CYB561D1: variants seen among roughly 807,000 people sequenced by gnomAD.
CYB561D1 encodes the protein cytochrome b561 family member D1.
Under a neutral mutation model 19.2 loss-of-function variants are expected in CYB561D1, and 15 were observed. That is an observed-to-expected ratio of 0.78 (90% CI 0.52 to 1.20). The LOEUF (loss-of-function observed/expected upper bound fraction) is 1.20. Ranked by LOEUF, CYB561D1 falls within the 50% of genes most tolerant of loss-of-function variation. The pLI, the probability that CYB561D1 is intolerant of heterozygous loss-of-function variation, is 0.00. For missense variants in CYB561D1, 297 were observed against 287.3 expected (o/e 1.03, Z -0.24); for synonymous variants, 133 against 120.6 (o/e 1.10, Z -0.68).
At chr1:109,494,432 G>C in intron 1 of CYB561D1, 145 bp downstream of exon 1, 1 of 1,546,154 alleles carries the variant, frequency 6.5e-7, no homozygotes, top group South Asian at 1.2e-5. Context: ...GGCCTGGTGG[G>C]GCGGGGCCCC....
Position 109,496,117 on chromosome 1 carries a change from T to C in CYB561D1, c.548T>C (p.Leu183Pro). The C allele has an allele frequency of 6.2e-7, 1 of 1,614,260 alleles. No individual in the cohort carries two copies. Among genetic ancestry groups the C allele is most frequent in the Non-Finnish European group, 8.5e-7 (1 of 1,180,038 alleles). ...VYLMATVTVLLGMYSVWFQAQ... is the reference protein window; with the variant it reads ...VYLMATVTVLPGMYSVWFQAQ... ...CTGATGGCTACAGTAACGGTGCTTC[T>C]GGGCATGTACTCAGTATGGTTCCAG... The change falls in exon 3 of 3, where the codon CTG becomes CCG. Residue 183 changes from leucine to proline, a missense_variant. By Grantham distance (98) the Leu-to-Pro change is moderately conservative. Coordinates refer to ENST00000420578, the MANE Select transcript of CYB561D1 (RefSeq NM_182580.3).
Position 109,497,644 on chromosome 1 carries a change from G to C in CYB561D1, c.*1385G>C, listed in dbSNP as rs1007212376. 1.2e-4 allele frequency: 19 copies of C among 152,342 alleles called. No individual in the cohort carries two copies. The highest frequency in any genetic ancestry group is 2.3e-4 in the Non-Finnish European group (16 of 68,120). 9.4% of individuals were successfully genotyped at this position (152,342 alleles called of 1,614,324 possible). ...ACAGCTGAGCCAGGAAAGTGCTGCTGAGGCAAGTCGACATAGCTCACAGGG... is the reference window on the plus strand; with the variant it reads ...ACAGCTGAGCCAGGAAAGTGCTGCTCAGGCAAGTCGACATAGCTCACAGGG... On this transcript the variant is annotated 3_prime_UTR_variant, in exon 3 of 3. Coordinates refer to ENST00000420578, the MANE Select transcript of CYB561D1 (RefSeq NM_182580.3).
chr1:109,494,122 G>C lies in CYB561D1; in HGVS notation c.-18G>C. 6.7e-7 allele frequency: 1 copy of C among 1,489,530 alleles called. No individual in the cohort carries two copies. Among genetic ancestry groups the C allele is most frequent in the African/African-American group, 1.4e-5 (1 of 71,406 alleles). The allele number at this position is 1,489,530 out of a possible 1,614,324, so 92.3% of individuals were successfully genotyped here. A position where few individuals can be genotyped will look rare whatever the true frequency, so the allele number is the denominator to read the frequency against. ...CGTGTTCGGGCAGCTGGAGTGTACG[G>C]GCCCGCGGGCCACGGCCATGCAGCC... On this transcript the variant is annotated 5_prime_UTR_variant, in exon 1 of 3. Transcript: ENST00000420578.
At position 109,496,087 on chromosome 1, in the gene CYB561D1, T is replaced by G; in HGVS notation, c.518T>G (p.Val173Gly). 6.2e-7 allele frequency: 1 copy of G among 1,614,154 alleles called. No individual in the cohort carries two copies. The highest frequency in any genetic ancestry group is 8.5e-7 in the Non-Finnish European group (1 of 1,179,992). Residue 173 changes from valine (V) to glycine (G), a missense_variant, in exon 3 of 3, where the codon GTC (valine) becomes GGC (glycine). Coordinates refer to ENST00000420578, the MANE Select transcript of CYB561D1 (RefSeq NM_182580.3). The part of the protein sequence containing the change: ...KLYHLTCGLV[V>G]YLMATVTVLL... The stretch of plus-strand genomic sequence containing the variant: ...TACCATCTGACATGTGGACTGGTGG[T>G]CTACCTGATGGCTACAGTAACGGTG...
chr1:109,500,274 C>T lies in CYB561D1; in HGVS notation c.*4015C>T, dbSNP rs751226083. On this transcript the variant is annotated 3_prime_UTR_variant, in exon 3 of 3. Coordinates refer to ENST00000420578, the MANE Select transcript of CYB561D1 (RefSeq NM_182580.3). ...GTGCATCAGCTTGGGGGCTGGGAAA[C>T]CTGCAGTATGGGTTTACTCCGTCCC... The T allele has an allele frequency of 2.6e-5, 4 of 152,200 alleles. No individual in the cohort carries two copies. The highest frequency in any genetic ancestry group is 5.9e-5 in the Non-Finnish European group (4 of 68,056). 9.4% of individuals were successfully genotyped at this position (152,200 alleles called of 1,614,324 possible).
In CYB561D1 at chr1:109,494,420, A is replaced by G. The variant is rs914589505; in HGVS notation, c.148+133A>G. The stretch of plus-strand genomic sequence containing the variant: ...AGACAGAAACAGTGGAGGGATTTTG[A>G]GGGCCTGGTGGGGCGGGGCCCCAGG... On this transcript the variant is annotated intron_variant, in intron 1 of 2. Transcript: ENST00000420578. The G allele has an allele frequency of 9.7e-6, 15 of 1,541,572 alleles. No homozygotes were observed. The East Asian group carries it at 2.9e-4, about 30-fold the overall frequency.
intron 2 of CYB561D1, among the ~76,000 whole-genome samples, chr1:109,495,414 T>C (rs372955289): frequency 2.4e-4 from 36 of 152,280 alleles, no homozygotes; most frequent in East Asian, 1.5e-3. Context: ...TCTTTCTCCA[T>C]TGGGGCCGGA....
At chr1:109,495,530 T>C in intron 2 of CYB561D1, 1 of 778,152 alleles carries the variant, frequency 1.3e-6, no homozygotes, top group Non-Finnish European at 2.0e-6. Context: ...ATGGGAGTCA[T>C]TGTAGAGGTT....
intron 1 of CYB561D1, among the ~76,000 whole-genome samples, chr1:109,494,795 C>T (rs1657417604): frequency 6.6e-6 from 1 of 151,950 alleles, no homozygotes; most frequent in African/African-American, 2.4e-5. Context: ...CGAGATTGCA[C>T]CACTGCACTC....
chr1:109,494,444 G>C, intron 1 of CYB561D1, 157 bp downstream of exon 1: 1 of 1,548,050 alleles, frequency 6.5e-7, no homozygotes, highest in African/African-American at 1.4e-5. Flanking sequence ...CGGGGCCCCA[G>C]GGATCCTGGA....
At chr1:109,495,600 G>A in intron 2 of CYB561D1, 156 bp from the exon 3 acceptor site, 5 of 1,442,672 alleles carry the variant, frequency 3.5e-6, no homozygotes, top group Non-Finnish European at 4.7e-6. Context: ...ATTCCCAAAT[G>A]TTCCCAGAAA....
chr1:109,498,115 A>G lies in CYB561D1; in HGVS notation c.*1856A>G, dbSNP rs910952207. 3 of 152,186 alleles carry G rather than the reference A, an allele frequency of 2.0e-5. No homozygotes were observed. Among genetic ancestry groups the G allele is most frequent in the Admixed American group, 6.5e-5 (1 of 15,280 alleles). The allele number at this position is 152,186 out of a possible 1,614,324, so 9.4% of individuals were successfully genotyped here. ...TTTCCTCATCACAGCCAGTGCTGAG[A>G]GGCTCCTTCTACCTGCCGCAGGGTA... On this transcript the variant is annotated 3_prime_UTR_variant, in exon 3 of 3. Transcript: ENST00000420578.
chr1:109,495,906 T>G lies in CYB561D1; in HGVS notation c.337T>G (p.Ser113Ala), dbSNP rs944182280. 7.4e-6 allele frequency: 12 copies of G among 1,614,020 alleles called. No homozygotes were observed. Among genetic ancestry groups the G allele is most frequent in the African/African-American group, 1.3e-5 (1 of 75,050 alleles). ...CAALGLGFII[S>A]SRTRSELPHL... ...AGCTCTGGGCCTGGGCTTCATCATCTCCAGCAGGACCCGCAGTGAGCTGCC... is the reference window on the plus strand; with the variant it reads ...AGCTCTGGGCCTGGGCTTCATCATCGCCAGCAGGACCCGCAGTGAGCTGCC... Residue 113 changes from serine (S) to alanine (A), a missense_variant, in exon 3 of 3, where the codon TCC becomes GCC. By Grantham distance (99) the Ser-to-Ala change is moderately conservative. Coordinates refer to ENST00000420578, the MANE Select transcript of CYB561D1 (RefSeq NM_182580.3).
Position 109,495,929 on chromosome 1 carries a change from G to A in CYB561D1, c.360G>A (p.Leu120=). ...FIISSRTRSE[L]PHLVSWHSWV... is the part of the protein sequence containing the mutation. ...TCTCCAGCAGGACCCGCAGTGAGCT[G>A]CCTCATCTGGTGTCCTGGCACAGCT... The change falls in exon 3 of 3, where the codon CTG becomes CTA. Residue 120 remains leucine (L), a synonymous_variant. Coordinates refer to ENST00000420578, the MANE Select transcript of CYB561D1 (RefSeq NM_182580.3). The A allele has an allele frequency of 6.2e-7, 1 of 1,614,030 alleles. No individual in the cohort carries two copies. The highest frequency in any genetic ancestry group is 8.5e-7 in the Non-Finnish European group (1 of 1,179,980).
Position 109,498,752 on chromosome 1 carries a change from A to G in CYB561D1, c.*2493A>G, listed in dbSNP as rs1657718712. The G allele has an allele frequency of 2.0e-5, 3 of 151,838 alleles. No individual in the cohort carries two copies. The South Asian group carries it at 6.3e-4, about 32-fold the overall frequency. 9.4% of individuals were successfully genotyped at this position (151,838 alleles called of 1,614,324 possible). ...GTCTGGGGTATTCACTTGGCTCCTCAGCAAGGAAGCAAACGCCTTGGAGGA... is the reference window on the plus strand; with the variant it reads ...GTCTGGGGTATTCACTTGGCTCCTCGGCAAGGAAGCAAACGCCTTGGAGGA... On this transcript the variant is annotated 3_prime_UTR_variant, in exon 3 of 3. Coordinates refer to ENST00000420578, the MANE Select transcript of CYB561D1 (RefSeq NM_182580.3).
intron 1 of CYB561D1, 32 bp from the exon 2 acceptor site, chr1:109,495,111 C>G (rs1657448766): frequency 6.2e-7 from 1 of 1,613,786 alleles, no homozygotes; most frequent in Non-Finnish European, 8.5e-7. Flanking sequence ...ACAATGGTAC[C>G]AAGCCCTCAG....
At position 109,495,826 on chromosome 1, in the gene CYB561D1, G is replaced by A. The variant is rs751790976; in HGVS notation, c.257G>A (p.Arg86Gln). The change falls in exon 3 of 3, where the codon CGA becomes CAA. Residue 86 changes from arginine to glutamine, a missense_variant. Coordinates refer to ENST00000420578, the MANE Select transcript of CYB561D1 (RefSeq NM_182580.3). The stretch of plus-strand genomic sequence containing the variant: ...CACTCCCTGTTCTTCTTCTGCTCCC[G>A]AAAAGCACGGATCCGGCTCCACTGG... ...PEHSLFFFCS[R>Q]KARIRLHWAG... 4.0e-5 allele frequency: 65 copies of A among 1,613,758 alleles called. 1 individual carries two copies. The highest frequency in any genetic ancestry group is 4.9e-5 in the Non-Finnish European group (58 of 1,180,040).
chr1:109,497,403 C>T lies in CYB561D1; in HGVS notation c.*1144C>T, dbSNP rs541117996. ...AAGCTTTCCTCAGTTGTCATCTCTT[C>T]CCAGCTCTTTGGTCCAAGAGGGGGC... On this transcript the variant is annotated 3_prime_UTR_variant, in exon 3 of 3. Coordinates refer to ENST00000420578, the MANE Select transcript of CYB561D1 (RefSeq NM_182580.3). 1.3e-5 allele frequency: 2 copies of T among 152,388 alleles called. No homozygotes were observed. The highest frequency in any genetic ancestry group is 4.1e-4 in the South Asian group (2 of 4,830). 9.4% of individuals were successfully genotyped at this position (152,388 alleles called of 1,614,324 possible).
rs911280315 is a variant in CYB561D1 at position 109,497,989 on chromosome 1, C to G, written c.*1730C>G. The G allele has an allele frequency of 6.6e-6, 1 of 152,288 alleles. No homozygotes were observed. The highest frequency in any genetic ancestry group is 2.4e-5 in the African/African-American group (1 of 41,450). The allele number at this position is 152,288 out of a possible 1,614,324, so 9.4% of individuals were successfully genotyped here. ...TGTCTCTTTCATTGTCCTCCCTCCT[C>G]TCAAACTCTCCAGTGTGGTGTGAAC... On this transcript the variant is annotated 3_prime_UTR_variant, in exon 3 of 3. Transcript: ENST00000420578.
Sources: allele counts gnomAD v4.1 joint callset (sites outside exome capture counted in the v4.1 genomes callset), GRCh38; gene constraint gnomAD v4.1.1; transcripts MANE v1.5; gene names NCBI Gene and HGNC (gene_info 2026-07-23, HGNC 2026-07-21).